The following ANO3 variants were observed in gnomAD, a reference collection of about 807,000 sequenced individuals.
ANO3 encodes the protein anoctamin-3.
Under a neutral mutation model 144.8 loss-of-function variants are expected in ANO3, and 99 were observed. The ratio of observed to expected loss-of-function variants is 0.68; its 90% CI spans 0.58 to 0.81. The LOEUF (loss-of-function observed/expected upper bound fraction) is 0.81. ANO3 is among the 30% of genes least tolerant of loss of function. The pLI, the probability that ANO3 is intolerant of heterozygous loss-of-function variation, is 0.00. For synonymous variants in ANO3, 414 were observed against 392.6 expected (o/e 1.05, Z -0.64); for missense variants, 905 against 1,202.2 (o/e 0.75, Z 3.66).
At chr11:26,207,622 A>G (rs1032467574) in intron 1 of ANO3, among the ~76,000 whole-genome samples, 3 of 152,210 alleles carry the variant, frequency 2.0e-5, no homozygotes, top group Non-Finnish European at 2.9e-5. Context: ...TAATTAAAAA[A>G]AGAAACTGAG....
At chr11:26,321,177 T>C (rs1450776090) in intron 1 of ANO3, among the ~76,000 whole-genome samples, 1 of 152,122 alleles carries the variant, frequency 6.6e-6, no homozygotes, top group African/African-American at 2.4e-5. Context: ...TCAAGATGCA[T>C]GCTTCTATTT....
chr11:26,489,116 G>A (rs1384234866), intron 4 of ANO3, among the ~76,000 whole-genome samples: 1 of 152,196 alleles, frequency 6.6e-6, no homozygotes, highest in African/African-American at 2.4e-5. Context: ...GGAGGCCCAG[G>A]AGGAAAAAGT....
At position 26,639,135 on chromosome 11, in the gene ANO3, C is replaced by T. The variant is rs764515229; in HGVS notation, c.2044-9C>T. On this transcript the variant is annotated splice_polypyrimidine_tract_variant and intron_variant, in intron 20 of 26. Coordinates refer to ENST00000256737, the MANE Select transcript of ANO3 (RefSeq NM_031418.4). ...CCAATATCATTATTGCTCTTATGTT[C>T]TATTTCAGTGTCATCCTAGTGGCTG... is the stretch of plus-strand genomic sequence containing the variant. The T allele has an allele frequency of 5.7e-6, 9 of 1,584,794 alleles. No individual in the cohort carries two copies. The highest frequency in any genetic ancestry group is 3.3e-4 in the Middle Eastern group (2 of 6,020).
At chr11:26,658,722 C>G (rs562237390) in intron 26 of ANO3, among the ~76,000 whole-genome samples, 1 of 152,204 alleles carries the variant, frequency 6.6e-6, no homozygotes, top group East Asian at 1.9e-4. Flanking sequence ...AGGCACATTC[C>G]TGGATATTTC....
At chr11:26,448,348 A>G (rs1274177538) in intron 3 of ANO3, among the ~76,000 whole-genome samples, 3 of 152,018 alleles carry the variant, frequency 2.0e-5, no homozygotes, top group Non-Finnish European at 2.9e-5. Context: ...TAAGACCAGC[A>G]TAATTTGAGT....
At chr11:26,618,606 C>A (rs1852327387) in intron 17 of ANO3, among the ~76,000 whole-genome samples, 1 of 152,150 alleles carries the variant, frequency 6.6e-6, no homozygotes, top group African/African-American at 2.4e-5. Context: ...ATTCTAAATT[C>A]TTTAGCCTGG....
chr11:26,194,435 T>C lies in ANO3; in HGVS notation c.154+5105T>C, dbSNP rs147192873. On this transcript the variant is annotated intron_variant, in intron 1 of 27. Coordinates refer to the ANO3 transcript ENST00000672621. The stretch of plus-strand genomic sequence containing the variant: ...AAAATTTTTCATCTTTGTGGGTACA[T>C]AGTGGTGTGTGTGTGTGTGTGTGTG... 8.5e-4 allele frequency among the ~76,000 whole-genome samples: 122 copies of C among 142,962 alleles called. 1 individual carries two copies. Among genetic ancestry groups the C allele is most frequent in the African/African-American group, 3.1e-3 (117 of 38,288 alleles). 93.8% of individuals were successfully genotyped at this position (142,962 alleles called of 152,430 possible). A position where few individuals can be genotyped will look rare whatever the true frequency, so the allele number is the denominator to read the frequency against.
intron 14 of ANO3, among the ~76,000 whole-genome samples, chr11:26,583,219 C>T (rs566711660): frequency 1.5e-4 from 23 of 152,304 alleles, no homozygotes; most frequent in African/African-American, 4.3e-4. Context: ...ATGATGCTTA[C>T]ATGTAGCTTC....
chr11:26,355,618 A>C (rs1330237491), intron 1 of ANO3, among the ~76,000 whole-genome samples: 1 of 149,914 alleles, frequency 6.7e-6, no homozygotes, highest in Non-Finnish European at 1.5e-5. Context: ...GGAGTGCAAT[A>C]GCATGATCTC....
intron 4 of ANO3, among the ~76,000 whole-genome samples, chr11:26,507,243 G>A (rs1861470262): frequency 6.6e-6 from 1 of 152,104 alleles, no homozygotes; most frequent in Non-Finnish European, 1.5e-5. Context: ...AATACCACAC[G>A]GATAGTCTAA....
At chr11:26,466,284 T>A (rs1371443381) in intron 4 of ANO3, among the ~76,000 whole-genome samples, 1 of 151,988 alleles carries the variant, frequency 6.6e-6, no homozygotes, top group African/African-American at 2.4e-5. Context: ...TTAGTTAGCC[T>A]CAAGCTTTAC....
At chr11:26,269,492 C>T (rs905459839) in intron 1 of ANO3, among the ~76,000 whole-genome samples, 14 of 152,210 alleles carry the variant, frequency 9.2e-5, no homozygotes, top group African/African-American at 3.1e-4. Context: ...ACTAGCGTTA[C>T]TCCATGGGGG....
chr11:26,205,681 T>C (rs1410964132), intron 1 of ANO3, among the ~76,000 whole-genome samples: 1 of 152,172 alleles, frequency 6.6e-6, no homozygotes, highest in Non-Finnish European at 1.5e-5. Context: ...TGAATATACC[T>C]GGCTTTTAAG....
intron 1 of ANO3, among the ~76,000 whole-genome samples, chr11:26,360,645 A>G (rs1423704031): frequency 2.0e-5 from 3 of 152,144 alleles, no homozygotes; most frequent in African/African-American, 7.2e-5. Context: ...TCTATGGTGA[A>G]TTATATCATC....
intron 19 of ANO3, 70 bp downstream of exon 19, chr11:26,634,385 T>G: frequency 1.0e-6 from 1 of 982,884 alleles, no homozygotes; most frequent in Non-Finnish European, 1.6e-6. Flanking sequence ...TGACGATTAC[T>G]GTTCTTACTC....
In ANO3 at chr11:26,537,322, A is replaced by G. The variant is rs547939881; in HGVS notation, c.977-84A>G. ...TTATCTTAAACTTTTTAATCGATTCATTGTTCCCCGTATATTTCTGTTGCT... is the reference window on the plus strand; with the variant it reads ...TTATCTTAAACTTTTTAATCGATTCGTTGTTCCCCGTATATTTCTGTTGCT... On this transcript the variant is annotated intron_variant, in intron 9 of 26. Transcript: ENST00000256737. 34 of 1,099,808 alleles carry G rather than the reference A, an allele frequency of 3.1e-5. No individual in the cohort carries two copies. The East Asian group carries it at 6.8e-4, about 22-fold the overall frequency. 68.1% of individuals were successfully genotyped at this position (1,099,808 alleles called of 1,614,324 possible). A position where few individuals can be genotyped will look rare whatever the true frequency, so the allele number is the denominator to read the frequency against.
In ANO3 at chr11:26,457,654, A is replaced by G. The variant is rs796884174; in HGVS notation, c.314-5376A>G. 9.2e-5 allele frequency among the ~76,000 whole-genome samples: 14 copies of G among 152,298 alleles called. 1 individual carries two copies. The highest frequency in any genetic ancestry group is 3.4e-4 in the African/African-American group (14 of 41,574). Reference sequence around the variant, plus strand: ...AACTGTAACGGACTCACTGCCACCCAGCTAACAAATGATAAAACAAAGATT... The same window carrying G: ...AACTGTAACGGACTCACTGCCACCCGGCTAACAAATGATAAAACAAAGATT... On this transcript the variant is annotated intron_variant, in intron 3 of 26. Transcript: ENST00000256737.
At chr11:26,609,496 C>T (rs12575470) in intron 17 of ANO3, among the ~76,000 whole-genome samples, 23,145 of 151,506 alleles carry the variant, frequency 0.15, 2,068 homozygotes, top group East Asian at 0.33. Context: ...GCAGGATTCA[C>T]ATATCCTGCA....
intron 13 of ANO3, among the ~76,000 whole-genome samples, chr11:26,554,474 G>A (rs1850028086): frequency 6.6e-6 from 1 of 152,074 alleles, no homozygotes; most frequent in African/African-American, 2.4e-5. Flanking sequence ...CATGTGATAG[G>A]TATATGGTTA....
Sources: gnomAD v4.1 joint callset for allele counts (sites outside exome capture counted in the v4.1 genomes callset) on GRCh38, gnomAD v4.1.1 for gene constraint, MANE v1.5 for transcripts, NCBI Gene and HGNC (gene_info 2026-07-23, HGNC 2026-07-21) for gene names.